Variants in ICE1 observed in about 807,000 individuals in gnomAD.
ICE1 encodes little elongation complex subunit 1.
ICE1 carries 64 observed loss-of-function variants against 192.7 expected under a neutral mutation model. The ratio of observed to expected loss-of-function variants is 0.33; its 90% CI spans 0.27 to 0.41. The LOEUF (loss-of-function observed/expected upper bound fraction) is 0.41. Ranked by LOEUF, ICE1 falls within the 10% of genes least tolerant of loss-of-function variation. The pLI is 1.00. For missense variants in ICE1, 2,708 were observed against 2,696.0 expected (o/e 1.00, Z -0.10); for synonymous variants, 1,010 against 984.5 (o/e 1.03, Z -0.49).
Position 5,461,796 on chromosome 5 carries a change from A to G in ICE1, c.2462A>G (p.Lys821Arg). 1 of 1,614,010 alleles carries G rather than the reference A, an allele frequency of 6.2e-7. No individual in the cohort carries two copies. Among genetic ancestry groups the G allele is most frequent in the Non-Finnish European group, 8.5e-7 (1 of 1,179,870 alleles). ...HEQKTSHQLQKAMPFLQNRGP... is the reference protein window; with the variant it reads ...HEQKTSHQLQRAMPFLQNRGP... ...CAGAAGACTAGCCATCAGTTACAAA[A>G]GGCAATGCCATTCCTACAAAATAGA... Residue 821 changes from lysine to arginine, a missense_variant, in exon 13 of 19, where the codon AAG becomes AGG. Physicochemically the swap from Lys to Arg is conservative, Grantham distance 26. Around this residue, in one of 2 missense-constraint regions of ICE1, gnomAD observed 2,366 missense variants for 2,276.6 expected, o/e 1.04. Transcript: ENST00000296564.
chr5:5,442,364 T>A (rs543051461), intron 5 of ICE1, among the ~76,000 whole-genome samples: 1 of 152,340 alleles, frequency 6.6e-6, no homozygotes, highest in Non-Finnish European at 1.5e-5. Flanking sequence ...TCTTACGTGC[T>A]TTAATAGTAC....
At chr5:5,476,630 C>T (rs1022418100) in intron 17 of ICE1, among the ~76,000 whole-genome samples, 2 of 151,994 alleles carry the variant, frequency 1.3e-5, no homozygotes, top group African/African-American at 2.4e-5. Flanking sequence ...TGAGGGGTAG[C>T]GGGGAGGGGT....
intron 1 of ICE1, among the ~76,000 whole-genome samples, chr5:5,435,669 T>TTTTG (rs796559107): frequency 2.3e-5 from 3 of 129,874 alleles, no homozygotes; most frequent in African/African-American, 5.9e-5. Context: ...TTTTTTTTTT[T>TTTTG]TTTGTTTTGT....
chr5:5,452,669 T>C (rs1197483672), intron 10 of ICE1, among the ~76,000 whole-genome samples: 1 of 152,078 alleles, frequency 6.6e-6, no homozygotes, highest in African/African-American at 2.4e-5. Context: ...AGATGGTTTA[T>C]AGGGAAAAGT....
intron 16 of ICE1, among the ~76,000 whole-genome samples, chr5:5,474,894 A>G (rs1561097701): frequency 6.6e-6 from 1 of 152,222 alleles, no homozygotes. Context: ...AACAGTAAGG[A>G]ATCAAATCAT....
Position 5,457,751 on chromosome 5 carries a change from G to GCACA in ICE1, c.1101+11_1101+12insACAC. ...GTCTTCATTTGCACCTGTGAGTTTT[G>GCACA]CTCTCTGAATTTGAATTACCAAGTG... On this transcript the variant is annotated intron_variant, in intron 12 of 18. Transcript: ENST00000296564. 2 of 1,603,870 alleles carry GCACA rather than the reference G, an allele frequency of 1.2e-6. No individual in the cohort carries two copies. The highest frequency in any genetic ancestry group is 2.2e-5 in the South Asian group (2 of 90,350).
rs575799065 is a variant in ICE1 at position 5,426,092 on chromosome 5, G to A, written c.84+3093G>A. Among the ~76,000 whole-genome samples the A allele has an allele frequency of 2.0e-5, 3 of 152,336 alleles. No individual in the cohort carries two copies. In the South Asian group the frequency reaches 6.2e-4, roughly 32 times the overall value. On this transcript the variant is annotated intron_variant, in intron 1 of 18. Transcript: ENST00000296564. Reference sequence around the variant, plus strand: ...GTTTGTGGAACACAGTGCTTCCAAGGTGCCCTAATATCCCTCAAGGAAATA... The same window carrying A: ...GTTTGTGGAACACAGTGCTTCCAAGATGCCCTAATATCCCTCAAGGAAATA...
At chr5:5,483,250 C>T (rs990085237) in intron 17 of ICE1, among the ~76,000 whole-genome samples, 2 of 152,152 alleles carry the variant, frequency 1.3e-5, no homozygotes, top group Non-Finnish European at 2.9e-5. Flanking sequence ...CCTGCCTTGG[C>T]CTCCCAAAGT....
chr5:5,489,207 C>T lies in ICE1; in HGVS notation c.6678C>T (p.Ser2226=). The change falls in exon 19 of 19, where the codon AGC becomes AGT. Residue 2226 remains serine, a synonymous_variant. Coordinates refer to ENST00000296564, the MANE Select transcript of ICE1 (RefSeq NM_015325.3). The part of the protein sequence containing the change: ...AVYALCDLSP[S]NPAEISKILE... ...ATGCTCTTTGTGACTTGAGTCCCAG[C>T]AATCCAGCAGAAATTTCCAAGATCC... 1 of 1,613,938 alleles carries T rather than the reference C, an allele frequency of 6.2e-7. No individual in the cohort carries two copies. Among genetic ancestry groups the T allele is most frequent in the Non-Finnish European group, 8.5e-7 (1 of 1,179,878 alleles).
At chr5:5,459,017 C>T (rs1168729399) in intron 12 of ICE1, among the ~76,000 whole-genome samples, 5 of 152,088 alleles carry the variant, frequency 3.3e-5, no homozygotes, top group East Asian at 1.9e-4. Context: ...GGACTACAGG[C>T]GCCCGCCACC....
intron 1 of ICE1, among the ~76,000 whole-genome samples, chr5:5,426,413 A>C (rs1579532958): frequency 6.7e-6 from 1 of 149,358 alleles, no homozygotes; most frequent in South Asian, 2.1e-4. Context: ...CCACCACTGC[A>C]CTCCAGCCTG....
At chr5:5,478,591 G>T (rs1739408551) in intron 17 of ICE1, among the ~76,000 whole-genome samples, 1 of 152,126 alleles carries the variant, frequency 6.6e-6, no homozygotes, top group Admixed American at 6.5e-5. Context: ...CGCAGAATTA[G>T]AAAAAACTAC....
chr5:5,489,337 A>T lies in ICE1; in HGVS notation c.*7A>T. ...CACAGAGGAGCTTGGCTGACCTGGG[A>T]TGCCACTGAGGCTTGAGAAGTGCCT... is the stretch of plus-strand genomic sequence containing the variant. On this transcript the variant is annotated 3_prime_UTR_variant, in exon 19 of 19. Transcript: ENST00000296564. 1 of 1,601,436 alleles carries T rather than the reference A, an allele frequency of 6.2e-7. No homozygotes were observed. Among genetic ancestry groups the T allele is most frequent in the Non-Finnish European group, 8.5e-7 (1 of 1,174,462 alleles).
chr5:5,439,800 G>T, intron 3 of ICE1, 95 bp from the exon 4 acceptor site: 2 of 801,466 alleles, frequency 2.5e-6, no homozygotes, highest in South Asian at 3.9e-5. Context: ...TATATATGTT[G>T]AACACAAATT....
At position 5,461,653 on chromosome 5, in the gene ICE1, T is replaced by G. The variant is rs1047444900; in HGVS notation, c.2319T>G (p.Gly773=). Residue 773 remains glycine, a synonymous_variant, in exon 13 of 19, where the codon GGT becomes GGG. Coordinates refer to ENST00000296564, the MANE Select transcript of ICE1 (RefSeq NM_015325.3). ...LNKPDFTSLI[G]SQAALIKSGL... ...AGCCAGATTTCACATCATTAATAGG[T>G]TCTCAGGCTGCCTTGATCAAGAGTG... 2.5e-6 allele frequency: 4 copies of G among 1,613,752 alleles called. No homozygotes were observed. The highest frequency in any genetic ancestry group is 3.4e-6 in the Non-Finnish European group (4 of 1,179,804).
At position 5,460,936 on chromosome 5, in the gene ICE1, C is replaced by G. The variant is rs771002851; in HGVS notation, c.1602C>G (p.Pro534=). 9.3e-6 allele frequency: 15 copies of G among 1,613,800 alleles called. No homozygotes were observed. Among genetic ancestry groups the G allele is most frequent in the Non-Finnish European group, 1.7e-6 (2 of 1,179,872 alleles). The change falls in exon 13 of 19, where the codon CCC becomes CCG. Residue 534 remains proline, a synonymous_variant. Coordinates refer to ENST00000296564, the MANE Select transcript of ICE1 (RefSeq NM_015325.3). ...GGAAGTCTGAGTTGTGTTCTTCTCC[C>G]CTTGGCAAAAGGCCATTAAATGAAC... is the stretch of plus-strand genomic sequence containing the variant. The part of the protein sequence containing the change: ...APGKSELCSS[P]LGKRPLNELM...
chr5:5,473,608 A>G lies in ICE1; in HGVS notation c.6273A>G (p.Ile2091Met). 1.2e-6 allele frequency: 2 copies of G among 1,613,646 alleles called. No homozygotes were observed. Among genetic ancestry groups the G allele is most frequent in the Non-Finnish European group, 1.7e-6 (2 of 1,179,822 alleles). Residue 2091 changes from isoleucine (I) to methionine (M), a missense_variant, in exon 16 of 19, where the codon ATA becomes ATG. Physicochemically the swap from Ile to Met is conservative, Grantham distance 10. Coordinates refer to ENST00000296564, the MANE Select transcript of ICE1 (RefSeq NM_015325.3). ...TGGTTTCTAAGCTGCTTTTGACCAT[A>G]CAGTTATGTCCAAAAACAGAATTTC... Reference protein sequence around the residue: ...GFMVSKLLLTIQLCPKTEFQP... With the variant: ...GFMVSKLLLTMQLCPKTEFQP...
chr5:5,423,217 TTGAC>T (rs1190756637), intron 1 of ICE1, among the ~76,000 whole-genome samples: 1 of 152,112 alleles, frequency 6.6e-6, no homozygotes, highest in Non-Finnish European at 1.5e-5. Context: ...CCAGAGTTCA[TTGAC>T]TGGAATGCGC....
At chr5:5,435,657 GTTTTTTTTTTTTTTTGTTTTGTTTTT>G (rs1737846687) in intron 1 of ICE1, among the ~76,000 whole-genome samples, 3 of 114,278 alleles carry the variant, frequency 2.6e-5, no homozygotes, top group Admixed American at 2.6e-4. Flanking sequence ...CCAAATTTGT[GTTTTTTTTTTTTTTTGTTTTGTTTTT>G]GTTTTTTTTT....
Sources: gnomAD v4.1 joint callset for allele counts (sites outside exome capture counted in the v4.1 genomes callset) on GRCh38, gnomAD v4.1.1 for gene constraint, gnomAD v4.1.1 regional missense constraint, MANE v1.5 for transcripts, NCBI Gene and HGNC (gene_info 2026-07-23, HGNC 2026-07-21) for gene names.